Variants in DOCK9 observed in about 807,000 individuals in gnomAD.
DOCK9 encodes dedicator of cytokinesis protein 9.
In DOCK9, 89 loss-of-function variants were observed where a neutral mutation model predicts 263.3. That is an observed-to-expected ratio of 0.34 (90% confidence interval 0.28 to 0.40). The LOEUF is 0.40. Ranked by LOEUF, DOCK9 falls within the 10% of genes least tolerant of loss-of-function variation. The pLI is 1.00. For missense variants in DOCK9, 2,140 were observed against 2,603.4 expected (o/e 0.82, Z 3.87); for synonymous variants, 976 against 973.1 (o/e 1.00, Z -0.06).
At chr13:98,850,685 A>G (rs1416068627) in intron 35 of DOCK9, among the ~76,000 whole-genome samples, 4 of 152,108 alleles carry the variant, frequency 2.6e-5, no homozygotes, top group Non-Finnish European at 4.4e-5. Context: ...ACTTTTTGCT[A>G]TTATAATTAT....
intron 34 of DOCK9, among the ~76,000 whole-genome samples, chr13:98,854,948 C>T (rs2093668477): frequency 9.5e-6 from 1 of 105,304 alleles, no homozygotes; most frequent in African/African-American, 2.6e-5. Context: ...CCCTAAATGG[C>T]TCAGCTGTTT....
intron 1 of DOCK9, among the ~76,000 whole-genome samples, chr13:98,962,638 A>T (rs9557100): frequency 0.62 from 90,918 of 146,584 alleles, 27,906 homozygotes; most frequent in East Asian, 0.89. Flanking sequence ...GATAGGTTTT[A>T]AAAAAAAAAA....
At position 98,918,338 on chromosome 13, in the gene DOCK9, T is replaced by C. The variant is rs578124809; in HGVS notation, c.717+2616A>G. On this transcript the variant is annotated intron_variant, in intron 7 of 52. Transcript: ENST00000682017. ...AATATGCAGGGCAGAGTCTCCAGAA[T>C]GACGGGAAATAAAACAGCACAAAGA... 2.6e-5 allele frequency among the ~76,000 whole-genome samples: 4 copies of C among 152,234 alleles called. No individual in the cohort carries two copies. The South Asian group carries it at 8.3e-4, about 32-fold the overall frequency.
intron 29 of DOCK9, 81 bp downstream of exon 29, chr13:98,867,847 A>T: frequency 1.7e-6 from 2 of 1,196,056 alleles, no homozygotes; most frequent in Non-Finnish European, 1.1e-6. Flanking sequence ...CAGAGCTTTA[A>T]AAAAAAAAAA....
At chr13:98,865,179 A>G (rs1375240093) in intron 30 of DOCK9, among the ~76,000 whole-genome samples, 2 of 151,942 alleles carry the variant, frequency 1.3e-5, no homozygotes, top group Non-Finnish European at 2.9e-5. Context: ...TCATCCTCCC[A>G]CCTCAGCCTC....
At chr13:98,995,490 T>TA (rs1368074197) in intron 1 of DOCK9, among the ~76,000 whole-genome samples, 1 of 141,444 alleles carries the variant, frequency 7.1e-6, no homozygotes, top group Admixed American at 6.9e-5. Flanking sequence ...AGATACTTTT[T>TA]TTTTTTTTTT....
At chr13:98,999,316 A>ACACACACACACACTCTCTCTCT in intron 1 of DOCK9, among the ~76,000 whole-genome samples, 70 of 138,372 alleles carry the variant, frequency 5.1e-4, no homozygotes, top group African/African-American at 1.6e-3. Flanking sequence ...ACACACACAC[A>ACACACACACACACTCTCTCTCT]CTCTCTCTCT....
chr13:98,797,841 G>T (rs769163313), intron 50 of DOCK9, among the ~76,000 whole-genome samples: 2 of 152,192 alleles, frequency 1.3e-5, no homozygotes, highest in Non-Finnish European at 2.9e-5. Flanking sequence ...TTACTTCCAA[G>T]GTGTTTAGTC....
At chr13:99,032,992 C>CT (rs1887508224) in intron 1 of DOCK9, among the ~76,000 whole-genome samples, 1 of 152,210 alleles carries the variant, frequency 6.6e-6, no homozygotes, top group African/African-American at 2.4e-5. Flanking sequence ...CTAAGTAAGA[C>CT]ATCATTGGCT....
chr13:99,038,073 A>G (rs923905331), intron 1 of DOCK9, among the ~76,000 whole-genome samples: 3 of 152,150 alleles, frequency 2.0e-5, no homozygotes, highest in Admixed American at 6.5e-5. Flanking sequence ...TGTATTTTAA[A>G]TATGTGCAGT....
At chr13:99,077,277 T>C (rs1459007545) in intron 1 of DOCK9, among the ~76,000 whole-genome samples, 1 of 152,172 alleles carries the variant, frequency 6.6e-6, no homozygotes. Context: ...ATCCCCAGTG[T>C]TGGAGGAGGG....
intron 1 of DOCK9, among the ~76,000 whole-genome samples, chr13:98,993,402 G>A (rs985920224): frequency 6.6e-6 from 1 of 152,202 alleles, no homozygotes; most frequent in African/African-American, 2.4e-5. Flanking sequence ...AGCAGCCTTT[G>A]AGAGGTAGGA....
At chr13:98,953,830 C>T (rs1363568963) in intron 2 of DOCK9, among the ~76,000 whole-genome samples, 1 of 152,186 alleles carries the variant, frequency 6.6e-6, no homozygotes, top group Non-Finnish European at 1.5e-5. Context: ...TGACCTCAAC[C>T]CATTTACCTG....
chr13:98,862,559 G>A (rs796475786), intron 32 of DOCK9, among the ~76,000 whole-genome samples: 4 of 152,152 alleles, frequency 2.6e-5, no homozygotes, highest in African/African-American at 9.6e-5. Flanking sequence ...TGTGGTGGTG[G>A]GTACCTGTAG....
chr13:98,942,153 G>A (rs1483295687), intron 2 of DOCK9, among the ~76,000 whole-genome samples: 1 of 151,966 alleles, frequency 6.6e-6, no homozygotes, highest in Non-Finnish European at 1.5e-5. Flanking sequence ...CCTTGAGGTA[G>A]GTGTAAGTAA....
At chr13:99,066,767 C>T (rs902543105) in intron 1 of DOCK9, among the ~76,000 whole-genome samples, 1 of 152,100 alleles carries the variant, frequency 6.6e-6, no homozygotes, top group East Asian at 1.9e-4. Flanking sequence ...TTGTCAATAG[C>T]TACATTACCA....
chr13:99,002,440 C>T (rs778897167), intron 1 of DOCK9, among the ~76,000 whole-genome samples: 7 of 152,282 alleles, frequency 4.6e-5, no homozygotes, highest in Non-Finnish European at 8.8e-5. Context: ...TCAGGGGCAA[C>T]GTCCTCCCCA....
At position 98,902,409 on chromosome 13, in the gene DOCK9, T is replaced by C; in HGVS notation, c.1259A>G (p.Asn420Ser). Residue 420 changes from asparagine to serine, a missense_variant, in exon 12 of 53, where the codon AAC (asparagine) becomes AGC (serine). Asn to Ser is a conservative substitution (Grantham distance 46). Around this residue, in one of 2 missense-constraint regions of DOCK9, gnomAD observed 1,521 missense variants for 1,741.7 expected, o/e 0.87. Coordinates refer to ENST00000682017, the MANE Select transcript of DOCK9 (RefSeq NM_001366683.2). ...KISADFHVDL[N>S]HFSVRQMLAT... The stretch of plus-strand genomic sequence containing the variant: ...GAGCATTTGCCTCACTGAGAAATGG[T>C]TCAGGTCTACGTGGAAATCGGCAGA... The C allele has an allele frequency of 6.2e-7, 1 of 1,613,930 alleles. No individual in the cohort carries two copies. The highest frequency in any genetic ancestry group is 2.2e-5 in the East Asian group (1 of 44,870).
At chr13:98,798,120 G>C (rs901925539) in intron 50 of DOCK9, among the ~76,000 whole-genome samples, 7 of 152,180 alleles carry the variant, frequency 4.6e-5, no homozygotes, top group African/African-American at 1.7e-4. Flanking sequence ...AGGGTCTGCT[G>C]ATTCTGGATA....
Sources: gnomAD v4.1 joint callset for allele counts (sites outside exome capture counted in the v4.1 genomes callset) on GRCh38, gnomAD v4.1.1 for gene constraint, gnomAD v4.1.1 regional missense constraint, MANE v1.5 for transcripts, NCBI Gene and HGNC (gene_info 2026-07-23, HGNC 2026-07-21) for gene names.